Variants in IFIH1 observed in about 807,000 individuals in gnomAD.
The protein encoded by IFIH1 is interferon-induced helicase C domain-containing protein 1.
In IFIH1, 125 loss-of-function variants were observed where a neutral mutation model predicts 107.4. That is an observed-to-expected ratio of 1.16 (90% CI 1.01 to 1.35). The LOEUF (loss-of-function observed/expected upper bound fraction) is 1.35, where lower values mean the gene tolerates loss of function less well. IFIH1 is among the 40% of genes most tolerant of loss of function. The pLI, the probability that IFIH1 is intolerant of heterozygous loss-of-function variation, is 0.00. For synonymous variants in IFIH1, 458 were observed against 413.2 expected, an observed-to-expected ratio of 1.11 and a Z score of -1.31; for missense variants, 1,333 against 1,213.7, an observed-to-expected ratio of 1.10 and a Z score of -1.46.
intron 13 of IFIH1, among the ~76,000 whole-genome samples, chr2:162,268,778 T>C (rs1383631802): frequency 6.6e-6 from 1 of 152,076 alleles, no homozygotes; most frequent in East Asian, 1.9e-4. Flanking sequence ...TTAGTAGAGA[T>C]GGAGTTTTGC....
intron 1 of IFIH1, among the ~76,000 whole-genome samples, chr2:162,315,644 A>G (rs1683478087): frequency 6.6e-6 from 1 of 152,214 alleles, no homozygotes; most frequent in Non-Finnish European, 1.5e-5. Context: ...AGGGAACTTC[A>G]GTAATTTGGC....
intron 5 of IFIH1, among the ~76,000 whole-genome samples, chr2:162,284,199 T>A (rs1240366857): frequency 6.6e-6 from 1 of 151,896 alleles, no homozygotes; most frequent in Non-Finnish European, 1.5e-5. Flanking sequence ...ACAAAGCCGT[T>A]CTTGAATCAT....
At chr2:162,314,398 C>CCTTTCTTTCTTTCTTTCTTT (rs1553461352) in intron 1 of IFIH1, among the ~76,000 whole-genome samples, 2 of 67,018 alleles carry the variant, frequency 3.0e-5, no homozygotes, top group Non-Finnish European at 5.5e-5. Flanking sequence ...CTCCCTCCCT[C>CCTTTCTTTCTTTCTTTCTTT]CTTTCTTTCT....
intron 3 of IFIH1, among the ~76,000 whole-genome samples, chr2:162,294,081 C>T (rs1052316292): frequency 1.3e-5 from 2 of 151,686 alleles, no homozygotes; most frequent in Admixed American, 6.6e-5. Context: ...TAATAAAGTA[C>T]AAAAATTAAT....
At chr2:162,282,923 A>G (rs1682835958) in intron 5 of IFIH1, among the ~76,000 whole-genome samples, 1 of 151,818 alleles carries the variant, frequency 6.6e-6, no homozygotes, top group Non-Finnish European at 1.5e-5. Context: ...ACAAAGTGAC[A>G]GTTAAGAGAA....
Position 162,318,444 on chromosome 2 carries a change from AG to A in IFIH1, c.-138del. 1.4e-6 allele frequency: 1 copy of A among 740,196 alleles called. No individual in the cohort carries two copies. The highest frequency in any genetic ancestry group is 2.2e-6 in the Non-Finnish European group (1 of 452,138). The allele number at this position is 740,196 out of a possible 1,614,324, so 45.9% of individuals were successfully genotyped here. On this transcript the variant is annotated 5_prime_UTR_variant, in exon 1 of 16. Transcript: ENST00000649979. ...TACCGCTCTGTGCCTGACAATGACG[AG>A]GTTGTCCACAGGGCTCTCAGGCCGG...
chr2:162,294,893 C>T (rs554327477), intron 3 of IFIH1, among the ~76,000 whole-genome samples: 1 of 151,940 alleles, frequency 6.6e-6, no homozygotes, highest in Admixed American at 6.6e-5. Flanking sequence ...AAAATAGACA[C>T]ATAGTATGTT....
At chr2:162,294,541 CT>C (rs1478753181) in intron 3 of IFIH1, among the ~76,000 whole-genome samples, 1 of 151,902 alleles carries the variant, frequency 6.6e-6, no homozygotes, top group Non-Finnish European at 1.5e-5. Flanking sequence ...TTGCTATTCA[CT>C]TTGCTCTGAA....
chr2:162,278,882 G>C (rs1033332828), intron 8 of IFIH1, among the ~76,000 whole-genome samples: 8 of 152,006 alleles, frequency 5.3e-5, no homozygotes, highest in Non-Finnish European at 1.0e-4. Flanking sequence ...TGACTGGAAG[G>C]GGGAGCCAGG....
chr2:162,279,251 C>T (rs896130018), intron 8 of IFIH1, among the ~76,000 whole-genome samples: 1 of 151,944 alleles, frequency 6.6e-6, no homozygotes, highest in African/African-American at 2.4e-5. Context: ...AAGAGATATA[C>T]GGAGGCTAGT....
rs372313271 is a variant in IFIH1 at position 162,318,261 on chromosome 2, G to C, written c.47C>G (p.Ser16Trp). The change falls in exon 1 of 16, where the codon TCG (serine) becomes TGG (tryptophan). Residue 16 changes from serine (S) to tryptophan (W), a missense_variant. By Grantham distance (177) the Ser-to-Trp change is radical (BLOSUM62 -3). Transcript: ENST00000649979. ...STDENFRYLI[S>W]CFRARVKMYI... ...CATTTTCACCCTGGCCCTGAAGCAC[G>C]AGATGAGATAGCGGAAATTCTCGTC... 6.2e-7 allele frequency: 1 copy of C among 1,614,044 alleles called. No individual in the cohort carries two copies.
At chr2:162,286,286 G>A (rs909298312) in intron 5 of IFIH1, among the ~76,000 whole-genome samples, 1 of 151,940 alleles carries the variant, frequency 6.6e-6, no homozygotes, top group South Asian at 2.1e-4. Context: ...TTAGGACTTC[G>A]TGTGGTTGCA....
Position 162,282,581 on chromosome 2 carries a change from A to T in IFIH1, c.1096-5T>A. 6.3e-7 allele frequency: 1 copy of T among 1,584,776 alleles called. No individual in the cohort carries two copies. Among genetic ancestry groups the T allele is most frequent in the Non-Finnish European group, 8.6e-7 (1 of 1,161,974 alleles). On this transcript the variant is annotated splice_polypyrimidine_tract_variant and splice_region_variant and intron_variant, in intron 5 of 15. Coordinates refer to ENST00000649979, the MANE Select transcript of IFIH1 (RefSeq NM_022168.4). ...GAGCTGTTCAACTAGCAGTACCTTA[A>T]AAAAATGTGAAGATTTTTTAAAAGA...
chr2:162,282,386 T>C lies in IFIH1; in HGVS notation c.1286A>G (p.Asp429Gly). The change falls in exon 6 of 16, where the codon GAT (aspartate) becomes GGT (glycine). Residue 429 changes from aspartate to glycine, a missense_variant. Physicochemically the swap from Asp to Gly is moderately conservative, Grantham distance 94 (BLOSUM62 -1). Transcript: ENST00000649979. ...NSLLNLENGE[D>G]AGVQLSDFSL... ...CTGACCTGACAATTGAACACCAGCA[T>C]CTTCTCCATTTTCCAAGTTTAAGAG... 6.2e-7 allele frequency: 1 copy of C among 1,610,128 alleles called. No individual in the cohort carries two copies. The highest frequency in any genetic ancestry group is 8.5e-7 in the Non-Finnish European group (1 of 1,177,460).
intron 3 of IFIH1, among the ~76,000 whole-genome samples, chr2:162,297,338 G>A (rs1005372969): frequency 6.6e-5 from 10 of 152,098 alleles, no homozygotes; most frequent in South Asian, 2.1e-4. Context: ...AAAGTCCTGC[G>A]TTTATGATTT....
At position 162,268,254 on chromosome 2, in the gene IFIH1, ACTTTGCAT is replaced by A; in HGVS notation, c.2632_2639del (p.Met878TyrfsTer19). Reference sequence around the variant, plus strand: ...TGGTTTTCATTTTCTTTTCCATTATACTTTGCATCTGTAATTCCAAAATCTGGACAGAG... The same window carrying A: ...TGGTTTTCATTTTCTTTTCCATTATACTGTAATTCCAAAATCTGGACAGAG... On this transcript the variant is annotated frameshift_variant, in exon 14 of 16. Coordinates refer to ENST00000649979, the MANE Select transcript of IFIH1 (RefSeq NM_022168.4). LOFTEE classifies it high-confidence loss of function. 6.2e-7 allele frequency: 1 copy of A among 1,609,386 alleles called. No individual in the cohort carries two copies. The highest frequency in any genetic ancestry group is 8.5e-7 in the Non-Finnish European group (1 of 1,177,046).
At chr2:162,289,073 T>C (rs1463109324) in intron 4 of IFIH1, among the ~76,000 whole-genome samples, 1 of 151,898 alleles carries the variant, frequency 6.6e-6, no homozygotes, top group East Asian at 1.9e-4. Flanking sequence ...ATTGGTAGGT[T>C]TTCCTTGAAA....
At position 162,267,544 on chromosome 2, in the gene IFIH1, TG is replaced by T; in HGVS notation, c.2832del (p.Asn944LysfsTer13). ...EFKELYIVRE[N>X]KALQKKCADY... ...TCGGCACACTTCTTTTGCAGTGCTT[TG>T]TTTTCTCTTACAATGTAAAGTTCCC... is the stretch of plus-strand genomic sequence containing the variant. On this transcript the variant is annotated frameshift_variant, in exon 15 of 16. Coordinates refer to ENST00000649979, the MANE Select transcript of IFIH1 (RefSeq NM_022168.4). LOFTEE classifies it high-confidence loss of function. The T allele has an allele frequency of 6.2e-7, 1 of 1,612,244 alleles. No homozygotes were observed. Among genetic ancestry groups the T allele is most frequent in the Non-Finnish European group, 8.5e-7 (1 of 1,178,202 alleles).
rs1194906931 is a variant in IFIH1, at chr2:162,267,640, T to C, written c.2808-71A>G. On this transcript the variant is annotated intron_variant, in intron 14 of 15. Transcript: ENST00000649979. ...TACCAGTGTGTAGTTCATGGGTTAT[T>C]GGACCTGGAGCTCATCCGCATGCCT... The C allele has an allele frequency of 3.6e-6, 4 of 1,122,136 alleles. No individual in the cohort carries two copies. In the Admixed American group the frequency reaches 5.1e-5, roughly 14 times the overall value. The allele number at this position is 1,122,136 out of a possible 1,614,324, so 69.5% of individuals were successfully genotyped here.
Sources: gnomAD v4.1 joint callset for allele counts (sites outside exome capture counted in the v4.1 genomes callset) on GRCh38, gnomAD v4.1.1 for gene constraint, MANE v1.5 for transcripts, NCBI Gene and HGNC (gene_info 2026-07-23, HGNC 2026-07-21) for gene names.